Variants in SPATA16 observed in about 807,000 individuals in gnomAD.
The protein encoded by SPATA16 is spermatogenesis-associated protein 16.
SPATA16 carries 36 observed loss-of-function variants against 63.3 expected under a neutral mutation model. The ratio of observed to expected loss-of-function variants is 0.57; its 90% CI spans 0.44 to 0.75. SPATA16 has a LOEUF of 0.75. Ranked by LOEUF, SPATA16 falls within the 30% of genes least tolerant of loss-of-function variation. The pLI is 0.00. For synonymous variants in SPATA16, 203 were observed against 216.7 expected (o/e 0.94, Z 0.56); for missense variants, 646 against 679.3 (o/e 0.95, Z 0.54).
chr3:172,977,049 A>G lies in SPATA16; in HGVS notation c.852T>C (p.Ser284=). The change falls in exon 5 of 11, where the codon AGT becomes AGC. Residue 284 remains serine, a synonymous_variant. Transcript: ENST00000351008. ...CLERYSEAAR[S]AMIADYMFWL... is the part of the protein sequence containing the mutation. ...AGAACATGTAGTCAGCAATCATGGC[A>G]CTCCTAAGAACAAGGACAGATTAAA... The G allele has an allele frequency of 6.2e-7, 1 of 1,609,558 alleles. No individual in the cohort carries two copies. Among genetic ancestry groups the G allele is most frequent in the Non-Finnish European group, 8.5e-7 (1 of 1,179,144 alleles).
intron 6 of SPATA16, among the ~76,000 whole-genome samples, chr3:172,955,734 G>A (rs149935534): frequency 3.4e-4 from 52 of 152,228 alleles, no homozygotes; most frequent in African/African-American, 1.2e-3. Flanking sequence ...GCATGTTCAC[G>A]GGTTCAAATC....
At chr3:173,092,556 C>T (rs1257238182) in intron 2 of SPATA16, among the ~76,000 whole-genome samples, 1 of 152,122 alleles carries the variant, frequency 6.6e-6, no homozygotes, top group African/African-American at 2.4e-5. Flanking sequence ...CAGTGTCAAA[C>T]TGGCTTTGAA....
intron 2 of SPATA16, among the ~76,000 whole-genome samples, chr3:173,054,458 A>G (rs1424452610): frequency 2.6e-5 from 4 of 152,224 alleles, no homozygotes; most frequent in African/African-American, 9.7e-5. Context: ...GCAACCATAA[A>G]AAGGAATGAG....
chr3:173,020,731 T>A (rs2031715273), intron 3 of SPATA16, among the ~76,000 whole-genome samples: 1 of 152,340 alleles, frequency 6.6e-6, no homozygotes, highest in East Asian at 1.9e-4. Flanking sequence ...GTCCATGCCC[T>A]ATCACCAAAT....
intron 6 of SPATA16, among the ~76,000 whole-genome samples, chr3:172,935,540 C>T (rs1360901264): frequency 1.3e-5 from 2 of 152,010 alleles, no homozygotes; most frequent in East Asian, 1.9e-4. Context: ...GCTCTTCTTG[C>T]AAGAATTTAC....
chr3:172,955,745 C>T (rs1288546800), intron 6 of SPATA16, among the ~76,000 whole-genome samples: 2 of 152,138 alleles, frequency 1.3e-5, no homozygotes, highest in African/African-American at 4.8e-5. Flanking sequence ...GGTTCAAATC[C>T]AAGGCCTGTC....
chr3:172,966,131 C>T (rs1215551021), intron 5 of SPATA16, among the ~76,000 whole-genome samples: 1 of 151,990 alleles, frequency 6.6e-6, no homozygotes, highest in Non-Finnish European at 1.5e-5. Flanking sequence ...CATTATATAC[C>T]TATATATGTT....
At chr3:172,892,403 G>T (rs1422112653) in intron 10 of SPATA16, among the ~76,000 whole-genome samples, 1 of 152,138 alleles carries the variant, frequency 6.6e-6, no homozygotes, top group Non-Finnish European at 1.5e-5. Context: ...GACACATCTG[G>T]TCATAAAATT....
intron 6 of SPATA16, among the ~76,000 whole-genome samples, chr3:172,952,398 G>C (rs1386839301): frequency 2.0e-5 from 3 of 152,060 alleles, no homozygotes; most frequent in Non-Finnish European, 2.9e-5. Flanking sequence ...CAGAGTATTC[G>C]GAGGGTGACC....
chr3:172,991,836 G>A (rs1355743809), intron 4 of SPATA16, among the ~76,000 whole-genome samples: 1 of 152,166 alleles, frequency 6.6e-6, no homozygotes, highest in Non-Finnish European at 1.5e-5. Context: ...GAACAGCATA[G>A]GCAAAGTTAT....
chr3:172,982,198 G>T (rs141375222), intron 4 of SPATA16, among the ~76,000 whole-genome samples: 3 of 152,184 alleles, frequency 2.0e-5, no homozygotes, highest in Non-Finnish European at 4.4e-5. Context: ...TAGCTTACTA[G>T]GATTCTAGCA....
At chr3:173,039,514 A>G (rs545127475) in intron 3 of SPATA16, among the ~76,000 whole-genome samples, 17 of 152,252 alleles carry the variant, frequency 1.1e-4, no homozygotes, top group African/African-American at 3.6e-4. Flanking sequence ...CAACAGATGC[A>G]TTGTTTCATA....
intron 2 of SPATA16, among the ~76,000 whole-genome samples, chr3:173,111,939 T>A (rs766101130): frequency 6.6e-6 from 1 of 152,248 alleles, no homozygotes; most frequent in African/African-American, 2.4e-5. Flanking sequence ...TAGCTTTTCA[T>A]AAAATTGAAA....
chr3:173,083,843 T>A (rs1442544036), intron 2 of SPATA16, among the ~76,000 whole-genome samples: 2 of 152,228 alleles, frequency 1.3e-5, no homozygotes, highest in African/African-American at 2.4e-5. Flanking sequence ...GACTGCATAG[T>A]ATTCCATCAT....
At chr3:173,023,137 ATGTGTG>A (rs11282206) in intron 3 of SPATA16, among the ~76,000 whole-genome samples, 245 of 139,960 alleles carry the variant, frequency 1.8e-3, no homozygotes, top group African/African-American at 5.3e-3. Flanking sequence ...ATGCTTGTGT[ATGTGTG>A]TGTGTGTGTG....
chr3:172,920,877 C>G (rs1732600846), intron 8 of SPATA16, among the ~76,000 whole-genome samples: 1 of 152,092 alleles, frequency 6.6e-6, no homozygotes, highest in Non-Finnish European at 1.5e-5. Flanking sequence ...ATGTCAAGGA[C>G]TAGTATCATC....
intron 2 of SPATA16, among the ~76,000 whole-genome samples, chr3:173,073,866 C>A (rs1736728633): frequency 6.6e-6 from 1 of 152,198 alleles, no homozygotes; most frequent in Non-Finnish European, 1.5e-5. Context: ...TCAACTCCAG[C>A]CTGTGAAAGC....
chr3:172,940,413 G>C (rs2109600890), intron 6 of SPATA16, among the ~76,000 whole-genome samples: 1 of 152,250 alleles, frequency 6.6e-6, no homozygotes, highest in African/African-American at 2.4e-5. Context: ...AGAATTGATT[G>C]GTTTTTGAGA....
chr3:172,950,852 C>G lies in SPATA16; in HGVS notation c.1081+5825G>C, dbSNP rs76117497. Among the ~76,000 whole-genome samples, 4 of 152,056 alleles carry G rather than the reference C, an allele frequency of 2.6e-5. No individual in the cohort carries two copies. In the East Asian group the frequency reaches 7.7e-4, roughly 29 times the overall value. On this transcript the variant is annotated intron_variant, in intron 6 of 10. Transcript: ENST00000351008. ...AGTGTTAAAGTAATTGATATCTGAT[C>G]CAGAAAACTTTTCTATTAAACATTA...
Sources: gnomAD v4.1 joint callset for allele counts (sites outside exome capture counted in the v4.1 genomes callset) on GRCh38, gnomAD v4.1.1 for gene constraint, MANE v1.5 for transcripts, NCBI Gene and HGNC (gene_info 2026-07-23, HGNC 2026-07-21) for gene names.